NLN: variants seen among roughly 807,000 people sequenced by gnomAD.
The protein encoded by NLN is neurolysin, mitochondrial.
Under a neutral mutation model 79.9 loss-of-function variants are expected in NLN, and 64 were observed. That is an observed-to-expected ratio of 0.80 (90% CI 0.65 to 0.99). NLN has a LOEUF of 0.99. NLN is among the 50% of genes least tolerant of loss of function. NLN has a pLI of 0.00. For synonymous variants in NLN, 267 were observed against 296.6 expected, an observed-to-expected ratio of 0.90 and a Z score of 1.02; for missense variants, 835 against 858.7, an observed-to-expected ratio of 0.97 and a Z score of 0.34.
chr5:65,801,872 T>C (rs1174534728), intron 9 of NLN, among the ~76,000 whole-genome samples: 2 of 152,182 alleles, frequency 1.3e-5, no homozygotes, highest in Non-Finnish European at 2.9e-5. Flanking sequence ...CATACACACA[T>C]TTTTGTTGTC....
intron 12 of NLN, among the ~76,000 whole-genome samples, chr5:65,817,374 A>G (rs563647138): frequency 6.6e-6 from 1 of 152,316 alleles, no homozygotes; most frequent in East Asian, 1.9e-4. Flanking sequence ...ATGGAATGGA[A>G]CTGCTTGGGA....
chr5:65,809,848 A>C, intron 10 of NLN, 147 bp downstream of exon 10: 1 of 967,134 alleles, frequency 1.0e-6, no homozygotes, highest in Non-Finnish European at 1.5e-6. Context: ...ATATATTGGA[A>C]TAGGAAACCC....
chr5:65,747,376 A>G (rs1220858594), intron 1 of NLN, among the ~76,000 whole-genome samples: 1 of 152,208 alleles, frequency 6.6e-6, no homozygotes, highest in East Asian at 1.9e-4. Flanking sequence ...ATGATATAAT[A>G]GTATCAAAAC....
intron 9 of NLN, among the ~76,000 whole-genome samples, chr5:65,799,573 C>A (rs569338945): frequency 6.6e-6 from 1 of 152,298 alleles, no homozygotes; most frequent in African/African-American, 2.4e-5. Context: ...AGCATACTCT[C>A]TAGCATTTGA....
At chr5:65,792,797 A>T in intron 9 of NLN, 142 bp downstream of exon 9, 1 of 723,390 alleles carries the variant, frequency 1.4e-6, no homozygotes. Context: ...GCAAAACCAA[A>T]ATTTTCCTTA....
rs139573577 is a variant in NLN, at chr5:65,823,908, C to G, written c.*993C>G. On this transcript the variant is annotated 3_prime_UTR_variant, in exon 13 of 13. Coordinates refer to ENST00000380985, the MANE Select transcript of NLN (RefSeq NM_020726.5). ...AAGAGGAGTGGGTTTTGGATAGAAGCATTTGAGGACAGCTGCTCCAAAGCC... is the reference window on the plus strand; with the variant it reads ...AAGAGGAGTGGGTTTTGGATAGAAGGATTTGAGGACAGCTGCTCCAAAGCC... 1 of 152,190 alleles carries G rather than the reference C, an allele frequency of 6.6e-6. No homozygotes were observed. The highest frequency in any genetic ancestry group is 1.5e-5 in the Non-Finnish European group (1 of 68,056). 9.4% of individuals were successfully genotyped at this position (152,190 alleles called of 1,614,324 possible). A position where few individuals can be genotyped will look rare whatever the true frequency, so the allele number is the denominator to read the frequency against.
At chr5:65,818,439 C>T (rs1171034369) in intron 12 of NLN, among the ~76,000 whole-genome samples, 2 of 152,106 alleles carry the variant, frequency 1.3e-5, no homozygotes, top group African/African-American at 4.8e-5. Context: ...GATCTCCTCC[C>T]TCCCCAGAAA....
intron 2 of NLN, among the ~76,000 whole-genome samples, chr5:65,762,638 G>A (rs1759362318): frequency 1.3e-5 from 2 of 151,940 alleles, no homozygotes; most frequent in South Asian, 4.2e-4. Flanking sequence ...GGGAGGTTGA[G>A]GCTGTAGTGA....
At chr5:65,772,938 T>A (rs998629805) in intron 3 of NLN, among the ~76,000 whole-genome samples, 7 of 137,330 alleles carry the variant, frequency 5.1e-5, no homozygotes, top group African/African-American at 1.6e-4. Context: ...AATTCAAAGT[T>A]CCTAATTCTT....
At chr5:65,741,999 T>C (rs1758878017) in intron 1 of NLN, among the ~76,000 whole-genome samples, 1 of 152,194 alleles carries the variant, frequency 6.6e-6, no homozygotes, top group Admixed American at 6.5e-5. Context: ...GTGAACCTTT[T>C]CTGAAAGCTC....
intron 1 of NLN, among the ~76,000 whole-genome samples, chr5:65,752,909 T>C (rs908475680): frequency 6.6e-6 from 1 of 152,234 alleles, no homozygotes. Context: ...TTTTAATGTA[T>C]TTAGTTGACC....
At chr5:65,722,762 A>G in intron 1 of NLN, 1 of 270,800 alleles carries the variant, frequency 3.7e-6, no homozygotes, top group Middle Eastern at 1.1e-3. Context: ...CAGACCTGTC[A>G]TTAAAAGTGC....
chr5:65,751,927 A>G (rs1759111400), intron 1 of NLN, among the ~76,000 whole-genome samples: 2 of 152,126 alleles, frequency 1.3e-5, no homozygotes, highest in African/African-American at 4.8e-5. Context: ...GGTATTCTGT[A>G]TTATTTCTTG....
At chr5:65,817,180 C>G (rs1760688314) in intron 12 of NLN, among the ~76,000 whole-genome samples, 1 of 152,196 alleles carries the variant, frequency 6.6e-6, no homozygotes, top group African/African-American at 2.4e-5. Flanking sequence ...TAGCCTAAAA[C>G]TTTGCTACCT....
In NLN at chr5:65,823,373, T is replaced by C. The variant is rs1387465696; in HGVS notation, c.*458T>C. The C allele has an allele frequency of 6.4e-6, 1 of 156,050 alleles. No individual in the cohort carries two copies. Among genetic ancestry groups the C allele is most frequent in the East Asian group, 1.9e-4 (1 of 5,288 alleles). 9.7% of individuals were successfully genotyped at this position (156,050 alleles called of 1,614,324 possible). On this transcript the variant is annotated 3_prime_UTR_variant, in exon 13 of 13. Coordinates refer to ENST00000380985, the MANE Select transcript of NLN (RefSeq NM_020726.5). ...TCTTGGAGCTCTGTGTCAACTTTGA[T>C]CCTTTGTCTCCCAGGAAGGTGTGAC... is the stretch of plus-strand genomic sequence containing the variant.
chr5:65,775,305 G>C (rs1468304919), intron 3 of NLN, among the ~76,000 whole-genome samples: 1 of 152,192 alleles, frequency 6.6e-6, no homozygotes, highest in Non-Finnish European at 1.5e-5. Context: ...TTGAGGCTTT[G>C]TCATGAGTCT....
chr5:65,806,152 A>G (rs1471671080), intron 9 of NLN, among the ~76,000 whole-genome samples: 3 of 152,210 alleles, frequency 2.0e-5, no homozygotes, highest in Non-Finnish European at 4.4e-5. Context: ...AAGAGCTTGG[A>G]TGGAGATGTT....
chr5:65,783,130 T>G (rs1276162537), intron 6 of NLN, among the ~76,000 whole-genome samples: 1 of 152,120 alleles, frequency 6.6e-6, no homozygotes, highest in African/African-American at 2.4e-5. Context: ...AGATTAGAGG[T>G]TACCAGGGAA....
chr5:65,768,198 A>C (rs1167136176), intron 3 of NLN, among the ~76,000 whole-genome samples: 1 of 152,160 alleles, frequency 6.6e-6, no homozygotes, highest in African/African-American at 2.4e-5. Context: ...GTATCAGTCC[A>C]TTCTCACACT....
Sources: gnomAD v4.1 joint callset for allele counts (sites outside exome capture counted in the v4.1 genomes callset) on GRCh38, gnomAD v4.1.1 for gene constraint, MANE v1.5 for transcripts, NCBI Gene and HGNC (gene_info 2026-07-23, HGNC 2026-07-21) for gene names.